Variants in NALF1 observed in about 807,000 individuals in gnomAD.
The protein encoded by NALF1 is NALCN channel auxiliary factor 1.
NALF1 carries 3 observed loss-of-function variants against 48.4 expected under a neutral mutation model. The ratio of observed to expected loss-of-function variants is 0.06; its 90% CI spans 0.03 to 0.16. The LOEUF is 0.16. Ranked by LOEUF, NALF1 falls within the 10% of genes least tolerant of loss-of-function variation. The pLI is 1.00. For missense variants in NALF1, 526 were observed against 571.5 expected, an observed-to-expected ratio of 0.92 and a Z score of 0.81; for synonymous variants, 262 against 245.7, an observed-to-expected ratio of 1.07 and a Z score of -0.62.
chr13:107,595,624 T>C (rs896239837), intron 1 of NALF1, among the ~76,000 whole-genome samples: 25 of 152,200 alleles, frequency 1.6e-4, no homozygotes, highest in African/African-American at 6.0e-4. Context: ...TACTTTCTAA[T>C]TGCTATATTT....
intron 1 of NALF1, among the ~76,000 whole-genome samples, chr13:107,638,341 T>C (rs1400671356): frequency 6.6e-6 from 1 of 151,770 alleles, no homozygotes; most frequent in African/African-American, 2.4e-5. Context: ...ACTAGACCTG[T>C]TTGTTTATGG....
intron 1 of NALF1, among the ~76,000 whole-genome samples, chr13:107,231,808 AAATGCTAGT>A (rs1423917819): frequency 2.0e-5 from 3 of 152,248 alleles, no homozygotes; most frequent in Non-Finnish European, 4.4e-5. Context: ...GGAGAACTGA[AAATGCTAGT>A]TGCCCTTTAG....
At chr13:107,294,888 A>G (rs1035103287) in intron 1 of NALF1, among the ~76,000 whole-genome samples, 8 of 152,256 alleles carry the variant, frequency 5.3e-5, no homozygotes, top group African/African-American at 1.9e-4. Context: ...ACAATGTTCA[A>G]TAACATTTCA....
At chr13:107,535,396 G>T (rs1389131872) in intron 1 of NALF1, among the ~76,000 whole-genome samples, 1 of 152,118 alleles carries the variant, frequency 6.6e-6, no homozygotes, top group East Asian at 1.9e-4. Context: ...ATGAAGGGCT[G>T]TTGAATTTTT....
chr13:107,293,896 T>G (rs1385663773), intron 1 of NALF1, among the ~76,000 whole-genome samples: 1 of 152,206 alleles, frequency 6.6e-6, no homozygotes, highest in African/African-American at 2.4e-5. Context: ...CCGTATTGTT[T>G]TATATTAAAA....
At chr13:107,661,046 A>G (rs1370119671) in intron 1 of NALF1, among the ~76,000 whole-genome samples, 2 of 152,222 alleles carry the variant, frequency 1.3e-5, no homozygotes, top group Non-Finnish European at 2.9e-5. Context: ...AGAGTTAATA[A>G]AAAACTATCT....
At chr13:107,799,067 C>T (rs996382779) in intron 1 of NALF1, among the ~76,000 whole-genome samples, 1 of 152,136 alleles carries the variant, frequency 6.6e-6, no homozygotes, top group East Asian at 1.9e-4. Context: ...TAGTCCACAT[C>T]GGCTTGCTCA....
intron 1 of NALF1, among the ~76,000 whole-genome samples, chr13:107,857,913 G>T (rs1015968946): frequency 6.6e-6 from 1 of 152,146 alleles, no homozygotes; most frequent in Non-Finnish European, 1.5e-5. Context: ...CAAGCCCTAG[G>T]CAAGGTCTTT....
chr13:107,521,248 A>C (rs897509314), intron 1 of NALF1, among the ~76,000 whole-genome samples: 4 of 152,182 alleles, frequency 2.6e-5, no homozygotes, highest in African/African-American at 7.2e-5. Flanking sequence ...TTTCATTTGC[A>C]ACAGAAAATT....
intron 1 of NALF1, among the ~76,000 whole-genome samples, chr13:107,791,299 T>C (rs1878223568): frequency 6.6e-6 from 1 of 152,212 alleles, no homozygotes; most frequent in Admixed American, 6.5e-5. Flanking sequence ...AAGTATCATC[T>C]ACAGTACAAT....
chr13:107,615,296 T>C (rs1286886259), intron 1 of NALF1, among the ~76,000 whole-genome samples: 3 of 152,162 alleles, frequency 2.0e-5, no homozygotes, highest in African/African-American at 2.4e-5. Context: ...AGGTACTCAA[T>C]AACAATTAGC....
intron 1 of NALF1, among the ~76,000 whole-genome samples, chr13:107,693,334 G>A (rs1350833523): frequency 1.6e-5 from 2 of 124,080 alleles, no homozygotes; most frequent in East Asian, 6.3e-4. Context: ...AGGGTAGGGG[G>A]GGCGGGAGGG....
At chr13:107,279,043 C>CTTTTTTTTTTTTTTTTTTTTTT (rs200133690) in intron 1 of NALF1, among the ~76,000 whole-genome samples, 8 of 122,940 alleles carry the variant, frequency 6.5e-5, no homozygotes, top group Non-Finnish European at 9.9e-5. Flanking sequence ...TTCTTTTCTT[C>CTTTTTTTTTTTTTTTTTTTTTT]TTTTTTTTTT....
intron 1 of NALF1, among the ~76,000 whole-genome samples, chr13:107,836,360 T>A (rs1001579179): frequency 7.2e-5 from 11 of 152,180 alleles, no homozygotes; most frequent in African/African-American, 2.4e-4. Context: ...CTTTCAAAGC[T>A]GTCTTAAATA....
At chr13:107,206,290 C>T (rs756435770) in intron 2 of NALF1, among the ~76,000 whole-genome samples, 3 of 152,118 alleles carry the variant, frequency 2.0e-5, no homozygotes, top group Non-Finnish European at 4.4e-5. Flanking sequence ...AACATATGCA[C>T]GGGGATGCGC....
chr13:107,678,162 T>C (rs926631427), intron 1 of NALF1, among the ~76,000 whole-genome samples: 9 of 152,212 alleles, frequency 5.9e-5, no homozygotes, highest in Admixed American at 5.2e-4. Flanking sequence ...GTGACCTTCT[T>C]TGAAGTATTT....
rs1328577670 is a variant in NALF1, at chr13:107,866,777, CCT to C, written c.-183_-182del. On this transcript the variant is annotated 5_prime_UTR_variant, in exon 1 of 3. Coordinates refer to ENST00000375915, the MANE Select transcript of NALF1 (RefSeq NM_001080396.3). The surrounding 1 kb of genome is among the most constrained non-coding windows in gnomAD (Gnocchi z 4.4). ...TCTCCTCTCTCTCTCTCTCCCTCTC[CCT>C]CTCTTTTATCTCTCTCTGTCTCTTT... 1 of 599,168 alleles carries C rather than the reference CCT, an allele frequency of 1.7e-6. No individual in the cohort carries two copies. Among genetic ancestry groups the C allele is most frequent in the African/African-American group, 1.9e-5 (1 of 53,690 alleles). 37.1% of individuals were successfully genotyped at this position (599,168 alleles called of 1,614,324 possible).
chr13:107,445,302 T>G (rs2139029862), intron 1 of NALF1, among the ~76,000 whole-genome samples: 1 of 152,306 alleles, frequency 6.6e-6, no homozygotes, highest in South Asian at 2.1e-4. Flanking sequence ...AATTTTGTTG[T>G]TTAATGAATT....
At chr13:107,835,213 T>C (rs572407461) in intron 1 of NALF1, among the ~76,000 whole-genome samples, 1 of 152,220 alleles carries the variant, frequency 6.6e-6, no homozygotes, top group African/African-American at 2.4e-5. Context: ...TAGAAGAGCA[T>C]GGATTCACAC....
Sources: allele counts gnomAD v4.1 joint callset (sites outside exome capture counted in the v4.1 genomes callset), GRCh38; gene constraint gnomAD v4.1.1; non-coding constraint Gnocchi (gnomAD v3.1); transcripts MANE v1.5; gene names NCBI Gene and HGNC (gene_info 2026-07-23, HGNC 2026-07-21).